Variants in CFAP299 observed in about 807,000 individuals in gnomAD.
The protein encoded by CFAP299 is cilia and flagella associated protein 299, also known as cilia- and flagella-associated protein 299.
A neutral mutation model predicts 27.0 loss-of-function variants in CFAP299; 21 were observed. The ratio of observed to expected loss-of-function variants is 0.78; its 90% CI spans 0.55 to 1.12. CFAP299 has a LOEUF of 1.12. CFAP299 is among the 50% of genes most tolerant of loss of function. The pLI is 0.00. For missense variants in CFAP299, 310 were observed against 276.6 expected (o/e 1.12, Z -0.86); for synonymous variants, 104 against 98.1 (o/e 1.06, Z -0.36).
chr4:80,752,982 C>T (rs1725021916), intron 3 of CFAP299, among the ~76,000 whole-genome samples: 2 of 151,826 alleles, frequency 1.3e-5, no homozygotes, highest in African/African-American at 2.4e-5. Context: ...ACACATAATA[C>T]ACTGATACTG....
Position 80,572,818 on chromosome 4 carries a change from G to C in CFAP299, c.243-10275G>C, listed in dbSNP as rs565759394. Among the ~76,000 whole-genome samples the C allele has an allele frequency of 3.9e-5, 6 of 151,902 alleles. No homozygotes were observed. In the East Asian group the frequency reaches 1.2e-3, roughly 29 times the overall value. ...AGGCGTGAGCCATCATGCCTGGCCC[G>C]ATCTCAGCCTTTTTATTCCATATGT... On this transcript the variant is annotated intron_variant, in intron 2 of 5. Transcript: ENST00000358105.
At chr4:80,835,747 A>G (rs1730529830) in intron 3 of CFAP299, among the ~76,000 whole-genome samples, 1 of 152,314 alleles carries the variant, frequency 6.6e-6, no homozygotes, top group South Asian at 2.1e-4. Context: ...CAACACCTTC[A>G]TAGGGGACTT....
At chr4:80,346,350 A>C (rs1722726183) in intron 1 of CFAP299, among the ~76,000 whole-genome samples, 1 of 152,190 alleles carries the variant, frequency 6.6e-6, no homozygotes, top group African/African-American at 2.4e-5. Context: ...GTCCTTGCTC[A>C]TGCCTATGTC....
At chr4:80,497,105 C>A (rs1342923033) in intron 2 of CFAP299, among the ~76,000 whole-genome samples, 1 of 152,078 alleles carries the variant, frequency 6.6e-6, no homozygotes, top group Non-Finnish European at 1.5e-5. Context: ...TGGGTAGGGA[C>A]ACACATGCAA....
At chr4:80,892,157 A>G (rs1418593298) in intron 4 of CFAP299, among the ~76,000 whole-genome samples, 4 of 152,102 alleles carry the variant, frequency 2.6e-5, no homozygotes, top group Non-Finnish European at 5.9e-5. Context: ...CATAAAAACA[A>G]ACATATAGAC....
Position 80,534,295 on chromosome 4 carries a change from A to G in CFAP299, c.243-48798A>G, listed in dbSNP as rs530640502. ...AAAGCGTAAGTTATCTACAAATGTA[A>G]TGAACAGAACTCACTCTGTGGAAAA... is the stretch of plus-strand genomic sequence containing the variant. On this transcript the variant is annotated intron_variant, in intron 2 of 5. Transcript: ENST00000358105. 6.4e-4 allele frequency among the ~76,000 whole-genome samples: 97 copies of G among 151,190 alleles called. No individual in the cohort carries two copies. In the Middle Eastern group the frequency reaches 0.012, roughly 19 times the overall value.
chr4:80,478,891 G>A (rs977256916), intron 2 of CFAP299, among the ~76,000 whole-genome samples: 5 of 151,782 alleles, frequency 3.3e-5, no homozygotes, highest in Admixed American at 2.6e-4. Flanking sequence ...GGAATGTGAA[G>A]CAATCTCAGA....
intron 4 of CFAP299, among the ~76,000 whole-genome samples, chr4:80,926,847 AT>A (rs1406586405): frequency 1.3e-5 from 2 of 152,076 alleles, no homozygotes; most frequent in African/African-American, 4.8e-5. Context: ...AACATTGAAC[AT>A]TTTATTATTT....
chr4:80,748,583 G>A (rs1724750102), intron 3 of CFAP299, among the ~76,000 whole-genome samples: 1 of 151,944 alleles, frequency 6.6e-6, no homozygotes, highest in Admixed American at 6.6e-5. Context: ...TTATTGAATT[G>A]ATATATTGTA....
At chr4:80,472,078 T>C (rs1730026384) in intron 2 of CFAP299, among the ~76,000 whole-genome samples, 1 of 152,234 alleles carries the variant, frequency 6.6e-6, no homozygotes, top group Non-Finnish European at 1.5e-5. Flanking sequence ...CCTTCAATCC[T>C]AAACTAGAAT....
chr4:80,612,024 T>C (rs556341441), intron 3 of CFAP299, among the ~76,000 whole-genome samples: 172 of 152,220 alleles, frequency 1.1e-3, no homozygotes, highest in African/African-American at 3.9e-3. Context: ...ATGGTCATGC[T>C]CTAAAGCTTT....
chr4:80,552,791 A>G (rs1000537303), intron 2 of CFAP299, among the ~76,000 whole-genome samples: 3 of 152,058 alleles, frequency 2.0e-5, no homozygotes, highest in Non-Finnish European at 1.5e-5. Flanking sequence ...TCACTCAAGC[A>G]GTCCTTCCAC....
At chr4:80,495,471 C>T (rs890950210) in intron 2 of CFAP299, among the ~76,000 whole-genome samples, 1 of 152,130 alleles carries the variant, frequency 6.6e-6, no homozygotes, top group African/African-American at 2.4e-5. Flanking sequence ...AAATTTTCTA[C>T]TTAATTTATT....
At chr4:80,879,917 C>T (rs556902146) in intron 4 of CFAP299, among the ~76,000 whole-genome samples, 2 of 152,236 alleles carry the variant, frequency 1.3e-5, no homozygotes, top group East Asian at 3.9e-4. Context: ...GCCTACATAC[C>T]TTCTTATTAT....
At chr4:80,407,902 A>G (rs1726514487) in intron 2 of CFAP299, among the ~76,000 whole-genome samples, 1 of 152,216 alleles carries the variant, frequency 6.6e-6, no homozygotes. Flanking sequence ...TGATAGTACT[A>G]GACATAATCT....
intron 2 of CFAP299, among the ~76,000 whole-genome samples, chr4:80,390,872 T>C (rs890416133): frequency 1.4e-4 from 13 of 94,112 alleles, no homozygotes; most frequent in East Asian, 6.6e-4. Context: ...TATGCGCACA[T>C]ATATGTATAT....
At chr4:80,571,456 T>A (rs557856086) in intron 2 of CFAP299, among the ~76,000 whole-genome samples, 1 of 151,860 alleles carries the variant, frequency 6.6e-6, no homozygotes, top group Non-Finnish European at 1.5e-5. Context: ...GCTCACATGA[T>A]GAAAAAAACT....
At chr4:80,351,238 T>G (rs958980729) in intron 1 of CFAP299, among the ~76,000 whole-genome samples, 1 of 152,134 alleles carries the variant, frequency 6.6e-6, no homozygotes, top group Non-Finnish European at 1.5e-5. Flanking sequence ...TGAATACAAA[T>G]TTTTTCTCAG....
At chr4:80,904,128 T>C (rs1160599815) in intron 4 of CFAP299, among the ~76,000 whole-genome samples, 1 of 152,196 alleles carries the variant, frequency 6.6e-6, no homozygotes, top group African/African-American at 2.4e-5. Flanking sequence ...GTGAGTGTAT[T>C]ATTTTTGGAA....
Sources: allele counts gnomAD v4.1 joint callset (sites outside exome capture counted in the v4.1 genomes callset), GRCh38; gene constraint gnomAD v4.1.1; transcripts MANE v1.5; gene names NCBI Gene and HGNC (gene_info 2026-07-23, HGNC 2026-07-21).